OR6N1: variants seen among roughly 807,000 people sequenced by gnomAD.
OR6N1 encodes the protein olfactory receptor family 6 subfamily N member 1, also known as olfactory receptor 6N1.
For missense variants in OR6N1, 394 were observed against 371.7 expected, an observed-to-expected ratio of 1.06 and a Z score of -0.49; for synonymous variants, 170 against 150.7, an observed-to-expected ratio of 1.13 and a Z score of -0.94.
intron 1 of OR6N1, among the ~76,000 whole-genome samples, chr1:158,769,000 T>G (rs557230543): frequency 6.6e-6 from 1 of 152,322 alleles, no homozygotes; most frequent in African/African-American, 2.4e-5. Flanking sequence ...GTATGTCAAG[T>G]GCCTAGAGCC....
upstream of OR6N1, chr1:158,776,892 G>C: frequency 1.2e-6 from 2 of 1,614,110 alleles, no homozygotes; most frequent in Non-Finnish European, 1.7e-6. Context: ...AGAAGATGAG[G>C]ACCACAGCAA....
the OR6N1 span, among the ~76,000 whole-genome samples, chr1:158,805,959 C>G: frequency 6.6e-6 from 1 of 152,148 alleles, no homozygotes; most frequent in Non-Finnish European, 1.5e-5. Context: ...GTATGCACCC[C>G]ACAGATATTA....
the OR6N1 span, among the ~76,000 whole-genome samples, chr1:158,790,677 T>A: frequency 3.3e-4 from 51 of 152,348 alleles, no homozygotes; most frequent in Admixed American, 7.8e-4. Context: ...GTGCTGGGAT[T>A]ACAGGCGTGA....
chr1:158,774,773 CTAGTTACCAGTAT>C (rs1657540727), upstream of OR6N1: 1 of 151,660 alleles, frequency 6.6e-6, no homozygotes, highest in Admixed American at 6.6e-5. Context: ...TAAGCAAGGA[CTAGTTACCAGTAT>C]TATCCAAGGA....
the OR6N1 span, among the ~76,000 whole-genome samples, chr1:158,825,498 G>C: frequency 1.3e-5 from 2 of 151,016 alleles, no homozygotes; most frequent in African/African-American, 4.9e-5. Flanking sequence ...AGATATACAT[G>C]GGACCAACAA....
the OR6N1 span, among the ~76,000 whole-genome samples, chr1:158,825,813 G>A: frequency 2.6e-5 from 4 of 152,066 alleles, no homozygotes; most frequent in African/African-American, 4.8e-5. Flanking sequence ...CTACCATAAA[G>A]GCATGCATTC....
chr1:158,828,653 A>G, the OR6N1 span, among the ~76,000 whole-genome samples: 3 of 152,156 alleles, frequency 2.0e-5, no homozygotes, highest in Non-Finnish European at 4.4e-5. Flanking sequence ...GGTGCAAGCT[A>G]TCAGTGTATG....
the OR6N1 span, among the ~76,000 whole-genome samples, chr1:158,784,576 C>T: frequency 6.6e-6 from 1 of 152,190 alleles, no homozygotes; most frequent in East Asian, 1.9e-4. Context: ...CTTTCACCCT[C>T]CCCTTTTCTT....
intron 1 of OR6N1, among the ~76,000 whole-genome samples, chr1:158,770,931 C>T (rs552067995): frequency 3.9e-5 from 6 of 152,288 alleles, no homozygotes; most frequent in East Asian, 1.9e-4. Flanking sequence ...CTGGCTTTCA[C>T]CATTATTCTT....
rs768526736 is a variant in OR6N1 at position 158,766,111 on chromosome 1, T to G, written c.572A>C (p.Asp191Ala). The change falls in exon 2 of 2, where the codon GAT (aspartate) becomes GCT (alanine). Residue 191 changes from aspartate (D) to alanine (A), a missense_variant. Physicochemically the swap from Asp to Ala is moderately radical, Grantham distance 126 (BLOSUM62 -2). Coordinates refer to ENST00000641846, the MANE Select transcript of OR6N1 (RefSeq NM_001005185.2). ...ATCTACTAGGACATTTATAGACGTA[T>G]CAGTGCAAGCCAAACTCAGCACAGG... The part of the protein sequence containing the change: ...FPPVLSLACT[D>A]TSINVLVDFV... The G allele has an allele frequency of 6.2e-6, 10 of 1,614,116 alleles. No homozygotes were observed. The South Asian group carries it at 8.8e-5, about 14-fold the overall frequency.
the OR6N1 span, among the ~76,000 whole-genome samples, chr1:158,819,058 C>G: frequency 4.6e-5 from 7 of 152,120 alleles, no homozygotes; most frequent in Non-Finnish European, 8.8e-5. Context: ...GAACAGTTCC[C>G]AGGAGGGAGC....
In OR6N1 at chr1:158,772,065, G is replaced by A. The variant is rs1335341365; in HGVS notation, c.-63C>T. The A allele has an allele frequency of 6.6e-6, 1 of 152,212 alleles. No individual in the cohort carries two copies. The highest frequency in any genetic ancestry group is 1.9e-4 in the East Asian group (1 of 5,190). The allele number at this position is 152,212 out of a possible 1,614,324, so 9.4% of individuals were successfully genotyped here. A position where few individuals can be genotyped will look rare whatever the true frequency, so the allele number is the denominator to read the frequency against. Reference sequence around the variant, plus strand: ...AGTGCTCTGCTAGAGCTTGACTCTGGAAGCCCAGCCACTGCTCGGAGTCCG... The same window carrying A: ...AGTGCTCTGCTAGAGCTTGACTCTGAAAGCCCAGCCACTGCTCGGAGTCCG... On this transcript the variant is annotated 5_prime_UTR_variant, in exon 1 of 2. Transcript: ENST00000641846.
chr1:158,798,802 T>C, the OR6N1 span, among the ~76,000 whole-genome samples: 1 of 152,236 alleles, frequency 6.6e-6, no homozygotes, highest in African/African-American at 2.4e-5. Context: ...CTTACTCTGA[T>C]AGTGGGCGTG....
the OR6N1 span, among the ~76,000 whole-genome samples, chr1:158,790,321 G>T: frequency 1.3e-5 from 2 of 151,058 alleles, no homozygotes; most frequent in Non-Finnish European, 3.0e-5. Context: ...GCTATTTGGG[G>T]TCTTTTCTGG....
chr1:158,784,084 C>T, the OR6N1 span, among the ~76,000 whole-genome samples: 4 of 151,920 alleles, frequency 2.6e-5, no homozygotes, highest in Non-Finnish European at 4.4e-5. Context: ...GCAGCCTGGG[C>T]GACGGAGCGA....
At chr1:158,818,179 C>T in the OR6N1 span, among the ~76,000 whole-genome samples, 1 of 152,196 alleles carries the variant, frequency 6.6e-6, no homozygotes, top group Non-Finnish European at 1.5e-5. Context: ...CTACACCACT[C>T]ACCTATGCAT....
At chr1:158,799,039 A>C in the OR6N1 span, among the ~76,000 whole-genome samples, 1 of 152,204 alleles carries the variant, frequency 6.6e-6, no homozygotes, top group African/African-American at 2.4e-5. Context: ...CATGCATAAC[A>C]TCCTGAAGTT....
the OR6N1 span, among the ~76,000 whole-genome samples, chr1:158,826,991 G>A: frequency 2.0e-5 from 3 of 152,122 alleles, no homozygotes; most frequent in East Asian, 5.8e-4. Context: ...AGCAATGCAT[G>A]TAATGCTGGA....
chr1:158,808,406 C>T, the OR6N1 span: 1 of 153,042 alleles, frequency 6.5e-6, no homozygotes, highest in African/African-American at 2.4e-5. Context: ...GGATTACAGG[C>T]GTGAGCCACC....
Sources: gnomAD v4.1 joint callset for allele counts (sites outside exome capture counted in the v4.1 genomes callset) on GRCh38, gnomAD v4.1.1 for gene constraint, MANE v1.5 for transcripts, NCBI Gene and HGNC (gene_info 2026-07-23, HGNC 2026-07-21) for gene names.